The following MROH7 variants were observed in gnomAD, a reference collection of about 807,000 sequenced individuals.
MROH7 encodes the protein maestro heat like repeat family member 7.
MROH7 carries 113 observed loss-of-function variants against 129.2 expected under a neutral mutation model. The observed-to-expected ratio is 0.87, with a 90% confidence interval of 0.75 to 1.02. The LOEUF (loss-of-function observed/expected upper bound fraction) is 1.02. Ranked by LOEUF, MROH7 falls within the 50% of genes least tolerant of loss-of-function variation. The pLI is 0.00. For synonymous variants in MROH7, 655 were observed against 667.9 expected, an observed-to-expected ratio of 0.98 and a Z score of 0.30; for missense variants, 1,601 against 1,671.3, an observed-to-expected ratio of 0.96 and a Z score of 0.73.
rs377441304 is a variant in MROH7 at position 54,695,443 on chromosome 1, C to A, written c.2917C>A (p.Arg973=). 1 of 1,613,892 alleles carries A rather than the reference C, an allele frequency of 6.2e-7. No homozygotes were observed. The highest frequency in any genetic ancestry group is 8.5e-7 in the Non-Finnish European group (1 of 1,179,908). The change falls in exon 17 of 24, where the codon CGA becomes AGA. Residue 973 remains arginine (R), a synonymous_variant. Transcript: ENST00000421030. ...CTACCTGCTCATCCCGCTCCTGGAG[C>A]GAGGCGACGAGAAGCACAGGATCAC... ...ILYLLIPLLE[R]GDEKHRITAT... is the part of the protein sequence containing the mutation.
intron 4 of MROH7, among the ~76,000 whole-genome samples, chr1:54,666,294 A>G (rs1644812935): frequency 6.6e-6 from 1 of 152,222 alleles, no homozygotes; most frequent in Non-Finnish European, 1.5e-5. Context: ...TAATGAGTAC[A>G]CGGAGAGAAG....
At chr1:54,646,622 C>A (rs150159424) in intron 1 of MROH7, among the ~76,000 whole-genome samples, 7 of 152,188 alleles carry the variant, frequency 4.6e-5, no homozygotes, top group Non-Finnish European at 8.8e-5. Context: ...GAATTGACAA[C>A]CTTGTCTATC....
rs750597464 is a variant in MROH7 at position 54,653,831 on chromosome 1, C to T, written c.905C>T (p.Pro302Leu). The T allele has an allele frequency of 9.9e-6, 16 of 1,614,034 alleles. No individual in the cohort carries two copies. The South Asian group carries it at 1.8e-4, about 18-fold the overall frequency. The change falls in exon 3 of 24, where the codon CCT (proline) becomes CTT (leucine). Residue 302 changes from proline (P) to leucine (L), a missense_variant. Transcript: ENST00000421030. ...CAAGCCTCGTATGTGACCCTGATTC[C>T]TGGCTCCAGCTATGGTATCAGCCTG... ...ITQASYVTLIPGSSYGISLHS... is the reference protein window; with the variant it reads ...ITQASYVTLILGSSYGISLHS...
rs767308773 is a variant in MROH7, at chr1:54,670,878, CTCCGTGCAGGCGATGCAGGAGAAGGACG to C, written c.1549_1576del (p.Ser517ArgfsTer35). ...GTGTGCACAGCGTGTTCTCCCTGCC[CTCCGTGCAGGCGATGCAGGAGAAGGACG>C]AGGCCAAGGCTGAGACCATCCAGGT... On this transcript the variant is annotated frameshift_variant, in exon 7 of 24. Transcript: ENST00000421030. LOFTEE classifies it high-confidence loss of function. 6.2e-7 allele frequency: 1 copy of C among 1,613,074 alleles called. No homozygotes were observed. The highest frequency in any genetic ancestry group is 1.1e-5 in the South Asian group (1 of 90,716).
Position 54,653,952 on chromosome 1 carries a change from C to A in MROH7, c.1026C>A (p.Ser342Arg). The A allele has an allele frequency of 6.2e-7, 1 of 1,614,208 alleles. No individual in the cohort carries two copies. Among genetic ancestry groups the A allele is most frequent in the Non-Finnish European group, 8.5e-7 (1 of 1,180,032 alleles). The change falls in exon 3 of 24, where the codon AGC becomes AGA. Residue 342 changes from serine to arginine, a missense_variant. By Grantham distance (110) the Ser-to-Arg change is moderately radical. Coordinates refer to ENST00000421030, the MANE Select transcript of MROH7 (RefSeq NM_001039464.4). The part of the protein sequence containing the change: ...GSNETLSLDS[S>R]LLFSDTSTLT... ...ATGAGACTCTGAGCCTGGACTCCAG[C>A]CTCCTGTTCAGCGACACCTCCACCT... is the stretch of plus-strand genomic sequence containing the variant.
intron 10 of MROH7, among the ~76,000 whole-genome samples, chr1:54,677,953 A>G (rs1433034215): frequency 6.6e-6 from 1 of 152,178 alleles, no homozygotes; most frequent in African/African-American, 2.4e-5. Context: ...AACTAAAGAA[A>G]AGTAGAAAAG....
chr1:54,706,352 C>T (rs1645533385), intron 21 of MROH7, 83 bp from the exon 22 acceptor site: 1 of 998,388 alleles, frequency 1.0e-6, no homozygotes, highest in African/African-American at 1.6e-5. Flanking sequence ...GGGTGAGGGT[C>T]ACCATTCCTA....
At chr1:54,654,730 T>C (rs984823209) in intron 3 of MROH7, among the ~76,000 whole-genome samples, 6 of 152,178 alleles carry the variant, frequency 3.9e-5, no homozygotes, top group African/African-American at 1.4e-4. Context: ...TTATGTCTAT[T>C]GTATCAACAA....
intron 16 of MROH7, among the ~76,000 whole-genome samples, chr1:54,694,530 G>A (rs566286311): frequency 6.6e-6 from 1 of 152,234 alleles, no homozygotes; most frequent in Admixed American, 6.5e-5. Context: ...GCAGTGGCAC[G>A]GTGTTGGCTC....
At position 54,710,096 on chromosome 1, in the gene MROH7, G is replaced by T. The variant is rs558440480; in HGVS notation, c.3881G>T (p.Ser1294Ile). The change falls in exon 24 of 24, where the codon AGC (serine) becomes ATC (isoleucine). Residue 1294 changes from serine to isoleucine, a missense_variant. Coordinates refer to ENST00000421030, the MANE Select transcript of MROH7 (RefSeq NM_001039464.4). Reference sequence around the variant, plus strand: ...TACTCAGCCACCACCCACCGCTGGAGCCCCAGCTGTGAGAACCTGCCCACT... The same window carrying T: ...TACTCAGCCACCACCCACCGCTGGATCCCCAGCTGTGAGAACCTGCCCACT... ...VCYSATTHRW[S>I]PSCENLPTSH... The T allele has an allele frequency of 1.9e-6, 3 of 1,614,014 alleles. No homozygotes were observed. The African/African-American group carries it at 4.0e-5, about 22-fold the overall frequency.
In MROH7 at chr1:54,653,708, A is replaced by G. The variant is rs767726192; in HGVS notation, c.782A>G (p.Lys261Arg). 4 of 1,614,072 alleles carry G rather than the reference A, an allele frequency of 2.5e-6. No individual in the cohort carries two copies. In the South Asian group the frequency reaches 4.4e-5, roughly 18 times the overall value. ...ASHNISESVSKGAFSTTWSTS... is the reference protein window; with the variant it reads ...ASHNISESVSRGAFSTTWSTS... ...CATAATATCTCTGAGTCTGTTTCAAAAGGAGCCTTTAGTACCACCTGGAGC... is the reference window on the plus strand; with the variant it reads ...CATAATATCTCTGAGTCTGTTTCAAGAGGAGCCTTTAGTACCACCTGGAGC... The change falls in exon 3 of 24, where the codon AAA (lysine) becomes AGA (arginine). Residue 261 changes from lysine to arginine, a missense_variant. Transcript: ENST00000421030.
intron 3 of MROH7, among the ~76,000 whole-genome samples, chr1:54,662,302 G>A (rs1293734073): frequency 1.3e-5 from 2 of 152,024 alleles, no homozygotes; most frequent in African/African-American, 2.4e-5. Flanking sequence ...TTTGGAGGCC[G>A]AGGCGGGCAG....
At chr1:54,673,482 T>A (rs1644933886) in intron 8 of MROH7, among the ~76,000 whole-genome samples, 1 of 152,128 alleles carries the variant, frequency 6.6e-6, no homozygotes, top group South Asian at 2.1e-4. Context: ...GACTCTTCAC[T>A]CTTCATCTGT....
chr1:54,675,572 T>C (rs1644967312), intron 10 of MROH7, among the ~76,000 whole-genome samples: 1 of 150,142 alleles, frequency 6.7e-6, no homozygotes, highest in African/African-American at 2.4e-5. Context: ...TAGGAGCCTC[T>C]GTGAGCCTAT....
Position 54,674,142 on chromosome 1 carries a change from CT to C in MROH7, c.1928del (p.Leu643ProfsTer30). On this transcript the variant is annotated frameshift_variant, in exon 10 of 24. Coordinates refer to ENST00000421030, the MANE Select transcript of MROH7 (RefSeq NM_001039464.4). LOFTEE classifies it high-confidence loss of function. ...CATCATCCTCTACACTATTCTGGAG[CT>C]CCAAAAACGTAAGCCCTATCGGAGT... ...GIIILYTILE[L>X]QKRARDKEET... 1 of 1,613,098 alleles carries C rather than the reference CT, an allele frequency of 6.2e-7. No homozygotes were observed. The highest frequency in any genetic ancestry group is 1.7e-4 in the Middle Eastern group (1 of 5,988).
At chr1:54,652,264 A>G (rs558086368) in intron 2 of MROH7, among the ~76,000 whole-genome samples, 4 of 152,274 alleles carry the variant, frequency 2.6e-5, no homozygotes, top group South Asian at 4.1e-4. Context: ...GAGCACCCCA[A>G]TCTTGCAAGG....
At chr1:54,693,114 C>T (rs78721832) in intron 16 of MROH7, among the ~76,000 whole-genome samples, 1,594 of 152,288 alleles carry the variant, frequency 0.01, 26 homozygotes, top group African/African-American at 0.036. Context: ...GGTGGATCAT[C>T]TGAGGTTAGG....
At chr1:54,656,900 C>T (rs1025575492) in intron 3 of MROH7, among the ~76,000 whole-genome samples, 7 of 151,776 alleles carry the variant, frequency 4.6e-5, no homozygotes, top group Non-Finnish European at 8.8e-5. Flanking sequence ...CAAAATTTAC[C>T]GTCTAGGCCA....
At chr1:54,673,207 A>C in intron 8 of MROH7, 21 bp downstream of exon 8, 3 of 1,566,866 alleles carry the variant, frequency 1.9e-6, no homozygotes, top group Non-Finnish European at 2.6e-6. Context: ...GGGAGGGGCA[A>C]GGAAGGGAGG....
Sources: allele counts gnomAD v4.1 joint callset (sites outside exome capture counted in the v4.1 genomes callset), GRCh38; gene constraint gnomAD v4.1.1; transcripts MANE v1.5; gene names NCBI Gene and HGNC (gene_info 2026-07-23, HGNC 2026-07-21).